The following LRRC8E variants were observed in gnomAD, a reference collection of about 807,000 sequenced individuals.
LRRC8E encodes volume-regulated anion channel subunit LRRC8E.
A neutral mutation model predicts 6.1 loss-of-function variants in LRRC8E; 6 were observed. The ratio of observed to expected loss-of-function variants is 0.98; its 90% confidence interval spans 0.54 to 1.93. The LOEUF (loss-of-function observed/expected upper bound fraction) is 1.93. Among genes scored for constraint, LRRC8E ranks in the 30% most tolerant of loss-of-function variants. The pLI is 0.01. For missense variants in LRRC8E, 1,028 were observed against 1,031.4 expected (o/e 1.00, Z 0.04); for synonymous variants, 485 against 472.8 (o/e 1.03, Z -0.33).
chr19:7,890,320 G>A (rs1568261479), intron 1 of LRRC8E, among the ~76,000 whole-genome samples: 1 of 146,542 alleles, frequency 6.8e-6, no homozygotes, highest in East Asian at 1.9e-4. Flanking sequence ...AGGCTGGAAA[G>A]CCTTCCAGCC....
chr19:7,890,459 C>T (rs531205402), intron 1 of LRRC8E, among the ~76,000 whole-genome samples: 4 of 152,098 alleles, frequency 2.6e-5, no homozygotes, highest in East Asian at 1.9e-4. Context: ...GGCGCAATCA[C>T]GGCTCACTGC....
Position 7,899,291 on chromosome 19 carries a change from C to A in LRRC8E, c.769C>A (p.Arg257=). ...EGDILYTMYI[R]QTVLKVCKFL... is the part of the protein sequence containing the mutation. ...CGACATCCTGTACACCATGTACATC[C>A]GACAGACGGTGCTGAAAGTGTGTAA... Residue 257 remains arginine (R), a synonymous_variant, in exon 3 of 3, where the codon CGA becomes AGA. Transcript: ENST00000306708. 1 of 1,614,196 alleles carries A rather than the reference C, an allele frequency of 6.2e-7. No homozygotes were observed. Among genetic ancestry groups the A allele is most frequent in the Non-Finnish European group, 8.5e-7 (1 of 1,180,032 alleles).
Position 7,900,614 on chromosome 19 carries a change from C to G in LRRC8E, c.2092C>G (p.Leu698Val), listed in dbSNP as rs768491268. 6.2e-7 allele frequency: 1 copy of G among 1,613,384 alleles called. No homozygotes were observed. The highest frequency in any genetic ancestry group is 8.5e-7 in the Non-Finnish European group (1 of 1,180,050). ...CTCCCTGCCACCCGAGGTGGGCCTC[C>G]TGCAGAACCTACAGCACCTGGCCCT... ...LHSLPPEVGLLQNLQHLALSY... is the reference protein window; with the variant it reads ...LHSLPPEVGLVQNLQHLALSY... Residue 698 changes from leucine to valine, a missense_variant, in exon 3 of 3, where the codon CTG becomes GTG. By Grantham distance (32) the Leu-to-Val change is conservative. Transcript: ENST00000306708. This position sits in a 1 kb window ranked among gnomAD's most constrained non-coding sequence, Gnocchi z 5.0.
intron 1 of LRRC8E, among the ~76,000 whole-genome samples, chr19:7,891,798 C>T (rs1188201670): frequency 2.0e-5 from 3 of 151,842 alleles, no homozygotes; most frequent in Admixed American, 6.6e-5. Flanking sequence ...TTAGTAGAGA[C>T]GAGGTTTCAC....
At chr19:7,891,727 C>T (rs975689915) in intron 1 of LRRC8E, among the ~76,000 whole-genome samples, 5 of 152,122 alleles carry the variant, frequency 3.3e-5, no homozygotes, top group Admixed American at 6.6e-5. Flanking sequence ...CTGCCTCACT[C>T]TCCTGAGTAG....
chr19:7,891,143 G>A (rs992138967), intron 1 of LRRC8E, among the ~76,000 whole-genome samples: 2 of 152,198 alleles, frequency 1.3e-5, no homozygotes, highest in African/African-American at 4.8e-5. Flanking sequence ...TCTCCCCTGA[G>A]TCTGGAAAGC....
chr19:7,892,513 T>G (rs1462559016), intron 1 of LRRC8E, among the ~76,000 whole-genome samples: 1 of 151,992 alleles, frequency 6.6e-6, no homozygotes, highest in African/African-American at 2.4e-5. Flanking sequence ...CAGCCTGGGG[T>G]CAGCATTCTT....
intron 1 of LRRC8E, among the ~76,000 whole-genome samples, chr19:7,891,437 G>C (rs1456552577): frequency 6.6e-6 from 1 of 152,108 alleles, no homozygotes; most frequent in Admixed American, 6.6e-5. Context: ...GAGTGTTGCT[G>C]CCTTCTTGTC....
At chr19:7,892,112 G>A (rs575902609) in intron 1 of LRRC8E, among the ~76,000 whole-genome samples, 9 of 149,298 alleles carry the variant, frequency 6.0e-5, no homozygotes, top group South Asian at 2.1e-4. Context: ...TCGCTCTGTC[G>A]CCCAGGCTGG....
chr19:7,895,558 A>C lies in LRRC8E; in HGVS notation c.-5-41A>C. The C allele has an allele frequency of 1.3e-6, 2 of 1,592,510 alleles. No homozygotes were observed. The highest frequency in any genetic ancestry group is 1.7e-6 in the Non-Finnish European group (2 of 1,162,604). On this transcript the variant is annotated intron_variant, in intron 1 of 2. Coordinates refer to ENST00000306708, the MANE Select transcript of LRRC8E (RefSeq NM_025061.6). This position sits in a 1 kb window ranked among gnomAD's most constrained non-coding sequence, Gnocchi z 4.7. ...ACCCCCTGCAGAGCCTCCCATCCTG[A>C]GGGTCTCTCTCTACACCCCCCGTCT...
rs772769045 is a variant in LRRC8E at position 7,898,981 on chromosome 19, G to A, written c.459G>A (p.Leu153=). The change falls in exon 3 of 3, where the codon CTG becomes CTA. Residue 153 remains leucine, a synonymous_variant. Transcript: ENST00000306708. ...AGATTGAACACTTCATCTCCATCCT[G>A]GGCAAGTGTTTCGACTCTCCATGGA... ...SSKIEHFISI[L]GKCFDSPWTT... 5 of 1,613,984 alleles carry A rather than the reference G, an allele frequency of 3.1e-6. No homozygotes were observed. The highest frequency in any genetic ancestry group is 2.2e-5 in the South Asian group (2 of 91,088).
chr19:7,890,948 T>C (rs1981275621), intron 1 of LRRC8E, among the ~76,000 whole-genome samples: 1 of 152,222 alleles, frequency 6.6e-6, no homozygotes, highest in Middle Eastern at 3.4e-3. Flanking sequence ...CTGCCTACCT[T>C]GGCCTCCCAA....
intron 2 of LRRC8E, among the ~76,000 whole-genome samples, chr19:7,896,704 C>T (rs1981615789): frequency 6.6e-6 from 1 of 152,182 alleles, no homozygotes; most frequent in African/African-American, 2.4e-5. Flanking sequence ...AGTGATCTTC[C>T]CGCCTCAGCC....
At chr19:7,890,165 T>C (rs1283795495) in intron 1 of LRRC8E, among the ~76,000 whole-genome samples, 1 of 152,042 alleles carries the variant, frequency 6.6e-6, no homozygotes, top group Non-Finnish European at 1.5e-5. Context: ...GCTGTGGGTG[T>C]GGAGGGTCTC....
chr19:7,897,570 T>C (rs1981665821), intron 2 of LRRC8E, among the ~76,000 whole-genome samples: 1 of 148,936 alleles, frequency 6.7e-6, no homozygotes. Context: ...CTTGTACTCC[T>C]GGCCTCAAGC....
In LRRC8E at chr19:7,901,988, G is replaced by A. The variant is rs1982052874; in HGVS notation, c.*1075G>A. 6.6e-6 allele frequency: 1 copy of A among 152,138 alleles called. No individual in the cohort carries two copies. The highest frequency in any genetic ancestry group is 6.6e-5 in the Admixed American group (1 of 15,248). The allele number at this position is 152,138 out of a possible 1,614,324, so 9.4% of individuals were successfully genotyped here. ...GACTTTGGTCTTGACTGTTCTCTGG[G>A]TGCTTAATAAATAATACTAATTATG... On this transcript the variant is annotated 3_prime_UTR_variant, in exon 3 of 3. Transcript: ENST00000306708.
intron 1 of LRRC8E, among the ~76,000 whole-genome samples, chr19:7,890,519 G>A (rs1981247849): frequency 1.3e-5 from 2 of 151,970 alleles, no homozygotes; most frequent in South Asian, 4.1e-4. Flanking sequence ...GCCGGGCACG[G>A]TGGCGCACGC....
Position 7,895,085 on chromosome 19 carries a change from C to G in LRRC8E, c.-5-514C>G, listed in dbSNP as rs1239119981. ...TTCCGGTTAGAGGTTGGAGGTGGTG[C>G]CCAGAGTGCCCCTGGAGGGGGTGGA... On this transcript the variant is annotated intron_variant, in intron 1 of 2. Transcript: ENST00000306708. The surrounding 1 kb of genome is among the most constrained non-coding windows in gnomAD (Gnocchi z 4.7). The G allele has an allele frequency of 6.5e-6, 1 of 153,138 alleles. No homozygotes were observed. The highest frequency in any genetic ancestry group is 1.5e-5 in the Non-Finnish European group (1 of 68,632). The allele number at this position is 153,138 out of a possible 1,614,324, so 9.5% of individuals were successfully genotyped here.
At chr19:7,889,738 A>ATC (rs200550933) in intron 1 of LRRC8E, among the ~76,000 whole-genome samples, 14 of 142,556 alleles carry the variant, frequency 9.8e-5, no homozygotes, top group East Asian at 6.5e-4. Flanking sequence ...GCAAGACTCT[A>ATC]TCTCTCTCTC....
Sources: allele counts gnomAD v4.1 joint callset (sites outside exome capture counted in the v4.1 genomes callset), GRCh38; gene constraint gnomAD v4.1.1; non-coding constraint Gnocchi (gnomAD v3.1); transcripts MANE v1.5; gene names NCBI Gene and HGNC (gene_info 2026-07-23, HGNC 2026-07-21).